DDX60L: variants seen among roughly 807,000 people sequenced by gnomAD.
DDX60L encodes the protein DExD/H-box 60 like, also known as probable ATP-dependent RNA helicase DDX60-like.
In DDX60L, 191 loss-of-function variants were observed where a neutral mutation model predicts 211.6. The observed-to-expected ratio is 0.90, with a 90% CI of 0.80 to 1.02. The LOEUF (loss-of-function observed/expected upper bound fraction) is 1.02. Ranked by LOEUF, DDX60L falls within the 50% of genes least tolerant of loss-of-function variation. The probability of loss-of-function intolerance (pLI) is 0.00; values close to 1 mark genes in which losing one functional copy is unlikely to be tolerated. For synonymous variants in DDX60L, 706 were observed against 694.1 expected (o/e 1.02, Z -0.27); for missense variants, 2,007 against 1,984.1 (o/e 1.01, Z -0.22).
chr4:168,390,170 GTT>G, intron 29 of DDX60L: 1 of 996,352 alleles, frequency 1.0e-6, no homozygotes, highest in Non-Finnish European at 1.2e-6. Flanking sequence ...TAACAAAGTA[GTT>G]CCACTCTCAT....
intron 30 of DDX60L, among the ~76,000 whole-genome samples, chr4:168,382,804 A>G (rs1366022126): frequency 6.6e-6 from 1 of 152,198 alleles, no homozygotes; most frequent in Non-Finnish European, 1.5e-5. Context: ...TATAAAAAGA[A>G]TGAAAAAGTT....
At position 168,379,241 on chromosome 4, in the gene DDX60L, A is replaced by G. The variant is rs938210940; in HGVS notation, c.4363+122T>C. The stretch of plus-strand genomic sequence containing the variant: ...TTGGCATCTGTAAATCTGAACATAT[A>G]CTTAGTATTTATTTGCTTTAATAAA... On this transcript the variant is annotated intron_variant, in intron 32 of 37. Coordinates refer to ENST00000682922, the MANE Select transcript of DDX60L (RefSeq NM_001012967.3). 30 of 873,866 alleles carry G rather than the reference A, an allele frequency of 3.4e-5. No homozygotes were observed. The Admixed American group carries it at 8.9e-4, about 26-fold the overall frequency. 54.1% of individuals were successfully genotyped at this position (873,866 alleles called of 1,614,324 possible). A position where few individuals can be genotyped will look rare whatever the true frequency, so the allele number is the denominator to read the frequency against.
rs200957955 is a variant in DDX60L, at chr4:168,422,532, C to T, written c.2236G>A (p.Ala746Thr). The T allele has an allele frequency of 2.5e-6, 4 of 1,608,544 alleles. No individual in the cohort carries two copies. The highest frequency in any genetic ancestry group is 1.3e-5 in the African/African-American group (1 of 74,616). The part of the protein sequence containing the change: ...DPRVQDFIPN[A>T]WQQELLDVVD... ...ATGTTTGTTGTCATTACCTGCCATG[C>T]GTTGGGAATAAAATCCTGGACCCTG... is the stretch of plus-strand genomic sequence containing the variant. Residue 746 changes from alanine to threonine, a missense_variant, in exon 16 of 38, where the codon GCA becomes ACA. Transcript: ENST00000682922.
Position 168,422,629 on chromosome 4 carries a change from A to G in DDX60L, c.2139T>C (p.Ile713=). The change falls in exon 16 of 38, where the codon ATT becomes ATC. Residue 713 remains isoleucine (I), a synonymous_variant. Transcript: ENST00000682922. ...DKNKKKYSID[I]GPARFQLQYM... ...ATTGCAGTTGAAACCGAGCTGGTCC[A>G]ATGTCAATCGAATATTTCTTCTTAT... 1.2e-6 allele frequency: 2 copies of G among 1,611,818 alleles called. No homozygotes were observed. Among genetic ancestry groups the G allele is most frequent in the African/African-American group, 1.3e-5 (1 of 75,028 alleles).
chr4:168,383,483 G>C (rs1284436106), intron 30 of DDX60L, among the ~76,000 whole-genome samples: 18 of 152,186 alleles, frequency 1.2e-4, no homozygotes, highest in Admixed American at 1.2e-3. Context: ...TTTTTTGACA[G>C]GAGTTCTCAC....
chr4:168,361,052 C>T, intron 37 of DDX60L, 97 bp downstream of exon 37: 1 of 909,472 alleles, frequency 1.1e-6, no homozygotes, highest in Non-Finnish European at 1.7e-6. Context: ...TCAGAGTGCT[C>T]CTTCATGAGA....
intron 16 of DDX60L, 149 bp downstream of exon 16, chr4:168,422,375 T>C: frequency 2.8e-6 from 2 of 721,390 alleles, no homozygotes; most frequent in South Asian, 2.6e-5. Flanking sequence ...GAATGATTTC[T>C]CATACTCTAG....
At chr4:168,359,370 G>A (rs1391494571) in intron 37 of DDX60L, among the ~76,000 whole-genome samples, 1 of 152,128 alleles carries the variant, frequency 6.6e-6, no homozygotes, top group Non-Finnish European at 1.5e-5. Context: ...TTTATTGTCA[G>A]TTCTGAAGTC....
chr4:168,470,858 T>C (rs1177222613), intron 4 of DDX60L: 1 of 264,108 alleles, frequency 3.8e-6, no homozygotes, highest in Non-Finnish European at 7.5e-6. Context: ...AAAAAGAAAG[T>C]TCTACAACAG....
chr4:168,440,778 C>T (rs927517011), intron 10 of DDX60L, among the ~76,000 whole-genome samples: 6 of 152,060 alleles, frequency 3.9e-5, no homozygotes, highest in Admixed American at 2.0e-4. Flanking sequence ...ATCATTTTAC[C>T]GCTTCTTCAA....
intron 36 of DDX60L, among the ~76,000 whole-genome samples, chr4:168,367,541 C>T (rs1274131332): frequency 1.3e-5 from 2 of 152,102 alleles, no homozygotes; most frequent in Non-Finnish European, 2.9e-5. Context: ...TGAACTAACA[C>T]AGTAAATTGG....
In DDX60L at chr4:168,391,649, GA is replaced by G. The variant is rs35620253; in HGVS notation, c.3811-6del. The G allele has an allele frequency of 0.072, 71,520 of 991,276 alleles. 495 individuals are homozygous for G. Among genetic ancestry groups the G allele is most frequent in the South Asian group, 0.1 (5,026 of 48,242 alleles). 61.4% of individuals were successfully genotyped at this position (991,276 alleles called of 1,614,324 possible). ...TGTTTCAGTAGCTGTCACTACCTAGGAAAAAAAAAAAAAAACAGTCAATACA... is the reference window on the plus strand; with the variant it reads ...TGTTTCAGTAGCTGTCACTACCTAGGAAAAAAAAAAAAAACAGTCAATACA... On this transcript the variant is annotated splice_region_variant and splice_polypyrimidine_tract_variant and intron_variant, in intron 28 of 37. Coordinates refer to ENST00000682922, the MANE Select transcript of DDX60L (RefSeq NM_001012967.3).
At chr4:168,449,679 A>AAAAAAAAAAAAAAAAG (rs1755504964) in intron 8 of DDX60L, among the ~76,000 whole-genome samples, 1 of 144,122 alleles carries the variant, frequency 6.9e-6, no homozygotes, top group Non-Finnish European at 1.5e-5. Context: ...AAAAGAAAAA[A>AAAAAAAAAAAAAAAAG]ATTACTAAAT....
At chr4:168,423,817 A>G in intron 14 of DDX60L, 43 bp from the exon 15 acceptor site, 5 of 1,309,384 alleles carry the variant, frequency 3.8e-6, no homozygotes, top group Non-Finnish European at 5.2e-6. Flanking sequence ...AACACCAAAA[A>G]TAACTGGTTG....
At chr4:168,464,472 C>T (rs1442707095) in intron 4 of DDX60L, among the ~76,000 whole-genome samples, 12 of 126,946 alleles carry the variant, frequency 9.5e-5, no homozygotes, top group South Asian at 2.4e-4. Context: ...GAAACAGGAT[C>T]TCACTTTGTT....
At chr4:168,408,017 A>G (rs1052674830) in intron 22 of DDX60L, among the ~76,000 whole-genome samples, 2 of 152,228 alleles carry the variant, frequency 1.3e-5, no homozygotes, top group African/African-American at 4.8e-5. Context: ...TCATTTGAAC[A>G]CACTAGTAAC....
chr4:168,460,253 A>T (rs1757143155), intron 5 of DDX60L, among the ~76,000 whole-genome samples: 1 of 152,258 alleles, frequency 6.6e-6, no homozygotes, highest in African/African-American at 2.4e-5. Flanking sequence ...TAACATAAAT[A>T]CTGCATAAAC....
At chr4:168,477,523 C>T (rs560134259) in intron 1 of DDX60L, among the ~76,000 whole-genome samples, 1 of 152,110 alleles carries the variant, frequency 6.6e-6, no homozygotes, top group Admixed American at 6.5e-5. Context: ...TTTTATGTAC[C>T]ACTAATTTTC....
chr4:168,360,352 C>G (rs938885283), intron 37 of DDX60L, among the ~76,000 whole-genome samples: 1 of 152,164 alleles, frequency 6.6e-6, no homozygotes, highest in Non-Finnish European at 1.5e-5. Flanking sequence ...TAGCTATAAG[C>G]CACTTGAGGA....
Sources: gnomAD v4.1 joint callset for allele counts (sites outside exome capture counted in the v4.1 genomes callset) on GRCh38, gnomAD v4.1.1 for gene constraint, MANE v1.5 for transcripts, NCBI Gene and HGNC (gene_info 2026-07-23, HGNC 2026-07-21) for gene names.